Variants in TTC39B observed in about 807,000 individuals in gnomAD.
TTC39B encodes tetratricopeptide repeat protein 39B.
TTC39B carries 92 observed loss-of-function variants against 96.6 expected under a neutral mutation model. The ratio of observed to expected loss-of-function variants is 0.95; its 90% CI spans 0.80 to 1.13. The LOEUF (loss-of-function observed/expected upper bound fraction) is 1.13. Among genes scored for constraint, TTC39B ranks in the 50% most tolerant of loss-of-function variants. The pLI is 0.00. For missense variants in TTC39B, 955 were observed against 809.3 expected (o/e 1.18, Z -2.18); for synonymous variants, 367 against 299.4 (o/e 1.23, Z -2.33).
At chr9:15,275,186 C>T (rs1429246457) in intron 1 of TTC39B, among the ~76,000 whole-genome samples, 1 of 152,144 alleles carries the variant, frequency 6.6e-6, no homozygotes, top group Non-Finnish European at 1.5e-5. Context: ...AGATTACAGG[C>T]ATGCACCACT....
chr9:15,213,904 T>A (rs1211668785), intron 4 of TTC39B, among the ~76,000 whole-genome samples: 2 of 152,152 alleles, frequency 1.3e-5, no homozygotes, highest in African/African-American at 4.8e-5. Context: ...AAGATGACAA[T>A]ATCTGAACAA....
intron 6 of TTC39B, among the ~76,000 whole-genome samples, chr9:15,206,920 G>C (rs181580027): frequency 1.3e-5 from 2 of 152,230 alleles, no homozygotes; most frequent in Admixed American, 6.5e-5. Flanking sequence ...GTGGGAACTG[G>C]TGGGAGATGT....
intron 4 of TTC39B, 73 bp downstream of exon 4, chr9:15,214,066 T>A: frequency 1.7e-6 from 2 of 1,172,264 alleles, no homozygotes; most frequent in Non-Finnish European, 2.5e-6. Context: ...TAAATTAATT[T>A]ACAAGCATGA....
chr9:15,247,118 TG>T (rs1422231147), intron 2 of TTC39B, among the ~76,000 whole-genome samples: 1 of 152,156 alleles, frequency 6.6e-6, no homozygotes, highest in Non-Finnish European at 1.5e-5. Context: ...GAGATCAGAA[TG>T]GAGAGAAGCA....
In TTC39B at chr9:15,185,627, G is replaced by A. The variant is rs1818483451; in HGVS notation, c.1488-221C>T. On this transcript the variant is annotated intron_variant, in intron 15 of 19. Transcript: ENST00000512701. ...ATCTAGATTTTGATAAGCCCTCCAG[G>A]TGATTCTGAGGCACACTCAAGATTG... is the stretch of plus-strand genomic sequence containing the variant. 6.2e-6 allele frequency: 3 copies of A among 484,568 alleles called. No individual in the cohort carries two copies. In the South Asian group the frequency reaches 8.5e-5, roughly 14 times the overall value. The allele number at this position is 484,568 out of a possible 1,614,324, so 30.0% of individuals were successfully genotyped here.
intron 1 of TTC39B, among the ~76,000 whole-genome samples, chr9:15,272,301 A>G (rs921999755): frequency 6.6e-6 from 1 of 151,880 alleles, no homozygotes; most frequent in Non-Finnish European, 1.5e-5. Flanking sequence ...GCTTCTCCAT[A>G]CTCACCATAA....
chr9:15,170,953 T>C (rs1414035871), exon 20 of TTC39B: 1 of 152,234 alleles, frequency 6.6e-6, no homozygotes, highest in Admixed American at 6.5e-5. Flanking sequence ...TCTTTAATCT[T>C]GATTTCACAG....
rs1464606306 is a variant in TTC39B at position 15,258,589 on chromosome 9, C to A, written c.275+9325G>T. Reference sequence around the variant, plus strand: ...TCAAGAAGGTTACTTATGGAGGAGGCAAGGAACTCAGTGTAAGAGCAAAGT... The same window carrying A: ...TCAAGAAGGTTACTTATGGAGGAGGAAAGGAACTCAGTGTAAGAGCAAAGT... On this transcript the variant is annotated intron_variant, in intron 2 of 19. Transcript: ENST00000512701. Among the ~76,000 whole-genome samples, 4 of 152,176 alleles carry A rather than the reference C, an allele frequency of 2.6e-5. No homozygotes were observed. The East Asian group carries it at 5.8e-4, about 22-fold the overall frequency.
intron 1 of TTC39B, among the ~76,000 whole-genome samples, chr9:15,297,805 G>A (rs757247427): frequency 3.3e-5 from 5 of 151,768 alleles, no homozygotes; most frequent in East Asian, 1.9e-4. Context: ...ACTGAAACCC[G>A]CAGATGCACA....
chr9:15,219,155 A>G (rs1820698748), intron 3 of TTC39B, among the ~76,000 whole-genome samples: 1 of 152,208 alleles, frequency 6.6e-6, no homozygotes, highest in African/African-American at 2.4e-5. Flanking sequence ...ACCTTGAACA[A>G]CTCACTTTAC....
chr9:15,185,473 G>A (rs961661812), intron 15 of TTC39B, 67 bp from the exon 16 acceptor site: 1 of 1,592,668 alleles, frequency 6.3e-7, no homozygotes, highest in Admixed American at 1.8e-5. Flanking sequence ...TGTACCTGTG[G>A]TTTTCACAGT....
chr9:15,243,766 C>T (rs1015234326), intron 2 of TTC39B, among the ~76,000 whole-genome samples: 8 of 152,084 alleles, frequency 5.3e-5, no homozygotes, highest in Admixed American at 3.3e-4. Context: ...AAAAATTGGA[C>T]GTATGTAGTG....
intron 1 of TTC39B, among the ~76,000 whole-genome samples, chr9:15,271,296 G>C (rs1823343408): frequency 1.3e-5 from 2 of 152,150 alleles, no homozygotes; most frequent in Admixed American, 1.3e-4. Flanking sequence ...ACACTGTGAA[G>C]TTACATGTTG....
At chr9:15,186,813 A>G (rs1217071486) in intron 15 of TTC39B, 131 bp downstream of exon 15, 1 of 792,556 alleles carries the variant, frequency 1.3e-6, no homozygotes, top group Non-Finnish European at 2.1e-6. Context: ...CTCCCACCTA[A>G]GCTTCCCAAG....
At chr9:15,171,165 T>C (rs1817640747) in exon 20 of TTC39B, 2 of 152,194 alleles carry the variant, frequency 1.3e-5, no homozygotes, top group African/African-American at 4.8e-5. Context: ...ATTAGAAAAC[T>C]AGGTCTTACC....
rs747854604 is a variant in TTC39B at position 15,187,000 on chromosome 9, A to C, written c.1431T>G (p.Ser477Arg). 5 of 1,613,220 alleles carry C rather than the reference A, an allele frequency of 3.1e-6. No homozygotes were observed. The African/African-American group carries it at 6.7e-5, about 22-fold the overall frequency. Residue 477 changes from serine (S) to arginine (R), a missense_variant, in exon 15 of 20, where the codon AGT becomes AGG. Transcript: ENST00000512701. ...CTACTACATCCTCCTCTGGAAGCAT[A>C]CTCAAAATTGCTGCTTTCAAGAACA...
intron 1 of TTC39B, among the ~76,000 whole-genome samples, chr9:15,286,472 G>A (rs1823979468): frequency 6.6e-6 from 1 of 152,198 alleles, no homozygotes; most frequent in Non-Finnish European, 1.5e-5. Flanking sequence ...TATATCCAGA[G>A]GCACAGATGT....
At chr9:15,304,657 C>T (rs149855235) in intron 1 of TTC39B, among the ~76,000 whole-genome samples, 2 of 152,010 alleles carry the variant, frequency 1.3e-5, no homozygotes, top group South Asian at 2.1e-4. Context: ...CAACCTCCCC[C>T]CCGACCCCTC....
intron 2 of TTC39B, among the ~76,000 whole-genome samples, chr9:15,236,753 T>TA (rs1283786920): frequency 6.6e-6 from 1 of 151,936 alleles, no homozygotes; most frequent in African/African-American, 2.4e-5. Flanking sequence ...AAGGCAGAAA[T>TA]AAAAAAATTC....
Sources: allele counts gnomAD v4.1 joint callset (sites outside exome capture counted in the v4.1 genomes callset), GRCh38; gene constraint gnomAD v4.1.1; transcripts MANE v1.5; gene names NCBI Gene and HGNC (gene_info 2026-07-23, HGNC 2026-07-21).